Variants in RSPO1 observed in about 807,000 individuals in gnomAD.
The protein encoded by RSPO1 is R-spondin-1.
A neutral mutation model predicts 26.0 loss-of-function variants in RSPO1; 18 were observed. That is an observed-to-expected ratio of 0.69 (90% CI 0.48 to 1.03). The LOEUF is 1.03. Among genes scored for constraint, RSPO1 ranks in the 50% least tolerant of loss-of-function variants. The pLI, the probability that RSPO1 is intolerant of heterozygous loss-of-function variation, is 0.00. For missense variants in RSPO1, 309 were observed against 352.3 expected, an observed-to-expected ratio of 0.88 and a Z score of 0.98; for synonymous variants, 133 against 137.4, an observed-to-expected ratio of 0.97 and a Z score of 0.22.
chr1:37,630,980 A>G (rs1382639163), intron 2 of RSPO1, among the ~76,000 whole-genome samples: 3 of 151,992 alleles, frequency 2.0e-5, no homozygotes, highest in Non-Finnish European at 4.4e-5. Context: ...TCACATCTAT[A>G]AAATGGGGAC....
chr1:37,623,438 G>A (rs1195886589), intron 3 of RSPO1, among the ~76,000 whole-genome samples: 3 of 152,090 alleles, frequency 2.0e-5, no homozygotes, highest in Non-Finnish European at 2.9e-5. Context: ...AAGCCCACCC[G>A]GGACGAGGGA....
chr1:37,628,128 G>A (rs748467796), intron 3 of RSPO1, among the ~76,000 whole-genome samples: 19 of 152,324 alleles, frequency 1.2e-4, no homozygotes, highest in South Asian at 1.2e-3. Context: ...GAGGGTCAGC[G>A]TTAAGCACAT....
intron 3 of RSPO1, among the ~76,000 whole-genome samples, chr1:37,623,964 G>C (rs760349586): frequency 6.6e-6 from 1 of 151,986 alleles, no homozygotes; most frequent in Non-Finnish European, 1.5e-5. Context: ...GTTTCACCAT[G>C]TTGGCCAGGC....
At chr1:37,616,290 C>G in intron 4 of RSPO1, among the ~76,000 whole-genome samples, 194 bp downstream of exon 4, 1 of 152,014 alleles carries the variant, frequency 6.6e-6, no homozygotes, top group South Asian at 2.1e-4. Context: ...GGGGCAGGTG[C>G]GAAGGGAGGA....
At chr1:37,615,037 C>T (rs935590070) in intron 4 of RSPO1, among the ~76,000 whole-genome samples, 2 of 152,182 alleles carry the variant, frequency 1.3e-5, no homozygotes, top group African/African-American at 2.4e-5. Context: ...CAGGGTCTTT[C>T]ACAATCTCTC....
In RSPO1 at chr1:37,629,613, G is replaced by C. The variant is rs766028012; in HGVS notation, c.49C>G (p.Leu17Val). The C allele has an allele frequency of 2.5e-6, 4 of 1,614,128 alleles. No individual in the cohort carries two copies. The highest frequency in any genetic ancestry group is 3.4e-6 in the Non-Finnish European group (4 of 1,180,036). Residue 17 changes from leucine to valine, a missense_variant, in exon 3 of 7, where the codon CTC (leucine) becomes GTC (valine). Physicochemically the swap from Leu to Val is conservative, Grantham distance 32. Transcript: ENST00000356545. Reference sequence around the variant, plus strand: ...TTGATCCCCCGGCTGCTGATGGTGAGGTGCGTCCAGCTCAGAACCAGGGCC... The same window carrying C: ...TTGATCCCCCGGCTGCTGATGGTGACGTGCGTCCAGCTCAGAACCAGGGCC... ...VVALVLSWTH[L>V]TISSRGIKGK...
chr1:37,617,004 G>A (rs1416305625), intron 3 of RSPO1, among the ~76,000 whole-genome samples: 3 of 152,204 alleles, frequency 2.0e-5, no homozygotes, highest in Non-Finnish European at 4.4e-5. Flanking sequence ...TCTCCCCAGA[G>A]CACAAAACAG....
At chr1:37,625,743 A>G (rs564706433) in intron 3 of RSPO1, among the ~76,000 whole-genome samples, 6 of 151,664 alleles carry the variant, frequency 4.0e-5, no homozygotes, top group Admixed American at 1.3e-4. Context: ...TAATGGCACA[A>G]TCTCAGTTCA....
chr1:37,622,933 C>T (rs996028611), intron 3 of RSPO1, among the ~76,000 whole-genome samples: 37 of 152,002 alleles, frequency 2.4e-4, no homozygotes, highest in Admixed American at 2.2e-3. Flanking sequence ...AAGGGGAAAG[C>T]ATGGCTGGGG....
chr1:37,620,598 C>T (rs1474865488), intron 3 of RSPO1, among the ~76,000 whole-genome samples: 3 of 151,224 alleles, frequency 2.0e-5, no homozygotes, highest in Non-Finnish European at 4.4e-5. Flanking sequence ...CTCTGCACTC[C>T]AGTCTAGGTG....
intron 4 of RSPO1, among the ~76,000 whole-genome samples, chr1:37,614,660 G>A (rs1385971016): frequency 6.6e-6 from 1 of 152,192 alleles, no homozygotes; most frequent in African/African-American, 2.4e-5. Context: ...GGAGGGTGGG[G>A]CCGTCTGGGC....
Position 37,616,802 on chromosome 1 carries a change from C to A in RSPO1, c.95-127G>T, listed in dbSNP as rs1378739318. ...CAGAAGGAATATGCTTCTCAGAAAGCACCGGCCAGGCTGGCAGCTCTCTGC... is the reference window on the plus strand; with the variant it reads ...CAGAAGGAATATGCTTCTCAGAAAGAACCGGCCAGGCTGGCAGCTCTCTGC... On this transcript the variant is annotated intron_variant, in intron 3 of 6. Coordinates refer to ENST00000356545, the MANE Select transcript of RSPO1 (RefSeq NM_001242908.2). 8 of 923,784 alleles carry A rather than the reference C, an allele frequency of 8.7e-6. No homozygotes were observed. In the Admixed American group the frequency reaches 1.4e-4, roughly 16 times the overall value. The allele number at this position is 923,784 out of a possible 1,614,324, so 57.2% of individuals were successfully genotyped here.
Position 37,634,053 on chromosome 1 carries a change from T to C in RSPO1, c.-356+513A>G, listed in dbSNP as rs1178917147. Among the ~76,000 whole-genome samples, 1 of 152,052 alleles carries C rather than the reference T, an allele frequency of 6.6e-6. No individual in the cohort carries two copies. Among genetic ancestry groups the C allele is most frequent in the Non-Finnish European group, 1.5e-5 (1 of 67,998 alleles). ...CTCCCCAACTAAGCGATACCATCGG[T>C]TCCTGAGCGCCAGACCCCGAGGGCC... On this transcript the variant is annotated intron_variant, in intron 1 of 6. Coordinates refer to ENST00000356545, the MANE Select transcript of RSPO1 (RefSeq NM_001242908.2). The surrounding 1 kb of genome is among the most constrained non-coding windows in gnomAD (Gnocchi z 4.7).
At chr1:37,631,554 G>A (rs1644361728) in intron 2 of RSPO1, among the ~76,000 whole-genome samples, 1 of 152,200 alleles carries the variant, frequency 6.6e-6, no homozygotes, top group East Asian at 1.9e-4. Flanking sequence ...ATAGTCACGG[G>A]CATAAACTTC....
chr1:37,628,841 T>A (rs1644315801), intron 3 of RSPO1, among the ~76,000 whole-genome samples: 1 of 152,232 alleles, frequency 6.6e-6, no homozygotes, highest in South Asian at 2.1e-4. Flanking sequence ...TCTTAGCATC[T>A]GTACAATGAT....
At chr1:37,616,072 T>C (rs148556174) in intron 4 of RSPO1, among the ~76,000 whole-genome samples, 1,760 of 152,174 alleles carry the variant, frequency 0.012, 43 homozygotes, top group African/African-American at 0.041. Flanking sequence ...GGGAACCAGA[T>C]GAAGGCTGGA....
chr1:37,627,998 A>G (rs149708628), intron 3 of RSPO1, among the ~76,000 whole-genome samples: 1 of 152,356 alleles, frequency 6.6e-6, no homozygotes, highest in Non-Finnish European at 1.5e-5. Context: ...GAGATTCGCC[A>G]TCGCTAGGAC....
At chr1:37,625,053 T>C (rs1311778317) in intron 3 of RSPO1, among the ~76,000 whole-genome samples, 1 of 152,242 alleles carries the variant, frequency 6.6e-6, no homozygotes, top group African/African-American at 2.4e-5. Flanking sequence ...CAGGAAGTCT[T>C]CCTGATCTCA....
chr1:37,623,180 G>A (rs897341829), intron 3 of RSPO1, among the ~76,000 whole-genome samples: 16 of 150,328 alleles, frequency 1.1e-4, no homozygotes, highest in African/African-American at 3.9e-4. Context: ...TGTTTATCAA[G>A]GGGGACAGGA....
Sources: allele counts gnomAD v4.1 joint callset (sites outside exome capture counted in the v4.1 genomes callset), GRCh38; gene constraint gnomAD v4.1.1; non-coding constraint Gnocchi (gnomAD v3.1); transcripts MANE v1.5; gene names NCBI Gene and HGNC (gene_info 2026-07-23, HGNC 2026-07-21).